Variants in GPHN observed in about 807,000 individuals in gnomAD.
The protein encoded by GPHN is gephyrin.
Under a neutral mutation model 95.5 loss-of-function variants are expected in GPHN, and 17 were observed. The observed-to-expected ratio is 0.18, with a 90% confidence interval of 0.12 to 0.27. GPHN has a LOEUF of 0.27. Among genes scored for constraint, GPHN ranks in the 10% least tolerant of loss-of-function variants. The pLI, the probability that GPHN is intolerant of heterozygous loss-of-function variation, is 1.00. For synonymous variants in GPHN, 320 were observed against 322.5 expected (o/e 0.99, Z 0.08); for missense variants, 660 against 978.1 (o/e 0.67, Z 4.34).
the GPHN span, among the ~76,000 whole-genome samples, chr14:67,507,926 G>A: frequency 6.6e-6 from 1 of 152,066 alleles, no homozygotes; most frequent in African/African-American, 2.4e-5. Flanking sequence ...TTCACCTGAG[G>A]TTGGGAGTTC....
chr14:67,280,853 T>TTCCCTCCTTCCC, the GPHN span, among the ~76,000 whole-genome samples: 444 of 77,512 alleles, frequency 5.7e-3, 9 homozygotes, highest in Non-Finnish European at 6.7e-3. Flanking sequence ...CCTTCCTTCC[T>TTCCCTCCTTCCC]TCCCTCCCTC....
At chr14:66,736,997 A>G (rs1348363008) in intron 2 of GPHN, among the ~76,000 whole-genome samples, 1 of 152,094 alleles carries the variant, frequency 6.6e-6, no homozygotes, top group African/African-American at 2.4e-5. Flanking sequence ...TTGTTTCTCC[A>G]GTCCTAAAAT....
the GPHN span, among the ~76,000 whole-genome samples, chr14:67,369,897 G>GAC: frequency 2.6e-5 from 4 of 152,094 alleles, no homozygotes; most frequent in Admixed American, 2.0e-4. Flanking sequence ...AGGAATTAAA[G>GAC]ACACACACAC....
At chr14:67,515,778 T>C in the GPHN span, among the ~76,000 whole-genome samples, 2 of 152,200 alleles carry the variant, frequency 1.3e-5, no homozygotes, top group Non-Finnish European at 2.9e-5. Flanking sequence ...AGGCCCGGGC[T>C]ACCTGAGGGC....
At chr14:66,863,757 A>C (rs901723269) in intron 4 of GPHN, among the ~76,000 whole-genome samples, 8 of 152,106 alleles carry the variant, frequency 5.3e-5, no homozygotes, top group African/African-American at 1.9e-4. Context: ...GGGAAAACTG[A>C]ATATTTATAT....
At chr14:67,130,988 G>A (rs2079665799) in intron 17 of GPHN, among the ~76,000 whole-genome samples, 1 of 152,116 alleles carries the variant, frequency 6.6e-6, no homozygotes, top group African/African-American at 2.4e-5. Flanking sequence ...AACAGCAGAT[G>A]TCCTAGTTTT....
At chr14:67,704,315 T>G in the GPHN span, among the ~76,000 whole-genome samples, 1 of 152,216 alleles carries the variant, frequency 6.6e-6, no homozygotes, top group African/African-American at 2.4e-5. Flanking sequence ...TCAAATCGTT[T>G]CACATATCTT....
At chr14:66,920,558 C>T in intron 6 of GPHN, among the ~76,000 whole-genome samples, 1 of 146,302 alleles carries the variant, frequency 6.8e-6, no homozygotes, top group Non-Finnish European at 1.5e-5. Flanking sequence ...GAGAATGAAT[C>T]TGATTCTGAC....
chr14:67,000,460 GA>G (rs2072137914), intron 9 of GPHN, among the ~76,000 whole-genome samples: 1 of 151,532 alleles, frequency 6.6e-6, no homozygotes, highest in Non-Finnish European at 1.5e-5. Context: ...AATCACCTAA[GA>G]TGTTCTACTA....
the GPHN span, among the ~76,000 whole-genome samples, chr14:67,256,171 C>T: frequency 3.9e-5 from 6 of 152,070 alleles, no homozygotes; most frequent in Non-Finnish European, 8.8e-5. Context: ...GTCTATTATC[C>T]TCATTTTTCA....
the GPHN span, among the ~76,000 whole-genome samples, chr14:67,664,783 C>A: frequency 6.6e-6 from 1 of 152,148 alleles, no homozygotes. Context: ...ACAGATGAGC[C>A]GGGCTTATGG....
At chr14:67,165,137 A>T in intron 19 of GPHN, 25 bp from the exon 20 acceptor site, 1 of 1,536,242 alleles carries the variant, frequency 6.5e-7, no homozygotes, top group Non-Finnish European at 9.0e-7. Flanking sequence ...GCAATCACTA[A>T]CAAGTGACTC....
At chr14:67,694,431 A>AAC in the GPHN span, among the ~76,000 whole-genome samples, 1 of 140,100 alleles carries the variant, frequency 7.1e-6, no homozygotes, top group Non-Finnish European at 1.5e-5. Context: ...CAGCTCCTGG[A>AAC]ATATATATAT....
At chr14:67,701,282 C>A in the GPHN span, among the ~76,000 whole-genome samples, 1 of 151,664 alleles carries the variant, frequency 6.6e-6, no homozygotes, top group Non-Finnish European at 1.5e-5. Context: ...TCACTAAGAG[C>A]AAATTTATAC....
rs1216565518 is a variant in GPHN, at chr14:67,144,236, TAAAAAAAAAAAA to T, written c.1836+791_1836+802del. 1.8e-3 allele frequency among the ~76,000 whole-genome samples: 97 copies of T among 54,102 alleles called. 6 individuals are homozygous for T. The highest frequency in any genetic ancestry group is 0.012 in the African/African-American group (93 of 7,566). The allele number at this position is 54,102 out of a possible 152,430, so 35.5% of individuals were successfully genotyped here. On this transcript the variant is annotated intron_variant, in intron 18 of 22. Coordinates refer to ENST00000478722, the MANE Select transcript of GPHN (RefSeq NM_020806.5). ...TGGGCAACACAGCAAGACCCTGTCT[TAAAAAAAAAAAA>T]AAATATATATATATATATATATATA...
chr14:66,674,218 C>T (rs1448546514), intron 1 of GPHN, among the ~76,000 whole-genome samples: 2 of 152,062 alleles, frequency 1.3e-5, no homozygotes, highest in Non-Finnish European at 2.9e-5. Flanking sequence ...CCTGCCTCAG[C>T]CTCCCGAGTA....
At chr14:66,935,874 T>C (rs2067107359) in intron 8 of GPHN, among the ~76,000 whole-genome samples, 1 of 152,158 alleles carries the variant, frequency 6.6e-6, no homozygotes. Flanking sequence ...ATCAGCTCTT[T>C]ACGTAAATCC....
At chr14:67,579,157 C>A in the GPHN span, 1 of 1,606,822 alleles carries the variant, frequency 6.2e-7, no homozygotes, top group African/African-American at 1.3e-5. Flanking sequence ...CAGTATGCCA[C>A]CTACTGCCAG....
At chr14:66,900,676 A>C (rs955391720) in intron 5 of GPHN, among the ~76,000 whole-genome samples, 1 of 152,000 alleles carries the variant, frequency 6.6e-6, no homozygotes, top group African/African-American at 2.4e-5. Flanking sequence ...TTCATTTAAC[A>C]TAATGACTTT....
Sources: allele counts gnomAD v4.1 joint callset (sites outside exome capture counted in the v4.1 genomes callset), GRCh38; gene constraint gnomAD v4.1.1; transcripts MANE v1.5; gene names NCBI Gene and HGNC (gene_info 2026-07-23, HGNC 2026-07-21).